NOTCH3: variants seen among roughly 807,000 people sequenced by gnomAD.
The protein encoded by NOTCH3 is neurogenic locus notch homolog protein 3.
NOTCH3 carries 86 observed loss-of-function variants against 213.3 expected under a neutral mutation model. That is an observed-to-expected ratio of 0.40 (90% CI 0.34 to 0.48). NOTCH3 has a LOEUF of 0.48. Ranked by LOEUF, NOTCH3 falls within the 20% of genes least tolerant of loss-of-function variation. The pLI, the probability that NOTCH3 is intolerant of heterozygous loss-of-function variation, is 0.57. For synonymous variants in NOTCH3, 1,354 were observed against 1,355.9 expected, an observed-to-expected ratio of 1.00 and a Z score of 0.03; for missense variants, 2,783 against 3,272.6, an observed-to-expected ratio of 0.85 and a Z score of 3.65.
In NOTCH3 at chr19:15,165,444, C is replaced by T. The variant is rs776548752; in HGVS notation, c.5739G>A (p.Ala1913=). 3.7e-5 allele frequency: 59 copies of T among 1,612,458 alleles called. No individual in the cohort carries two copies. The highest frequency in any genetic ancestry group is 2.2e-4 in the East Asian group (10 of 44,890). Residue 1913 remains alanine, a synonymous_variant, in exon 31 of 33, where the codon GCG becomes GCA. Transcript: ENST00000263388. This position sits in a 1 kb window ranked among gnomAD's most constrained non-coding sequence, Gnocchi z 4.7. The stretch of plus-strand genomic sequence containing the variant: ...CCATGCCCTCTACTGCCAGGCGGGC[C>T]GCCAGGATCAGTGCCGTTGAGCCAT... ...MADGSTALIL[A]ARLAVEGMVE... is the part of the protein sequence containing the mutation.
chr19:15,166,001 G>A lies in NOTCH3; in HGVS notation c.5453C>T (p.Ala1818Val), dbSNP rs2145392485. ...GCAGATCAGGTCGGAGATGATGCTA[G>A]CTGATGTGTCATCTGCCTCATCCTC... ...TEEDEADDTSASIISDLICQG... is the reference protein window; with the variant it reads ...TEEDEADDTSVSIISDLICQG... Residue 1818 changes from alanine (A) to valine (V), a missense_variant, in exon 30 of 33, where the codon GCT becomes GTT. Around this residue, in one of 6 missense-constraint regions of NOTCH3, gnomAD observed 636 missense variants for 801.8 expected, o/e 0.79. Transcript: ENST00000263388. 1 of 1,614,132 alleles carries A rather than the reference G, an allele frequency of 6.2e-7. No homozygotes were observed. Among genetic ancestry groups the A allele is most frequent in the Non-Finnish European group, 8.5e-7 (1 of 1,179,960 alleles).
chr19:15,179,351 G>A lies in NOTCH3; in HGVS notation c.3460+13C>T. On this transcript the variant is annotated intron_variant, in intron 21 of 32. Coordinates refer to ENST00000263388, the MANE Select transcript of NOTCH3 (RefSeq NM_000435.3). ...CCTCTCATCCTGTCCCCCCAACCCT[G>A]GCCCTGGCATACCCAGCGTTCCTGG... 1 of 1,611,266 alleles carries A rather than the reference G, an allele frequency of 6.2e-7. No individual in the cohort carries two copies. Among genetic ancestry groups the A allele is most frequent in the Non-Finnish European group, 8.5e-7 (1 of 1,178,148 alleles).
At chr19:15,199,579 G>T (rs757640813) in intron 1 of NOTCH3, among the ~76,000 whole-genome samples, 4 of 152,180 alleles carry the variant, frequency 2.6e-5, no homozygotes, top group Non-Finnish European at 4.4e-5. Flanking sequence ...CTGTGTGCGT[G>T]CAGCTGGGTG....
intron 2 of NOTCH3, 56 bp downstream of exon 2, chr19:15,197,444 C>T: frequency 1.5e-6 from 1 of 662,106 alleles, no homozygotes; most frequent in Non-Finnish European, 2.8e-6. Context: ...ACAAATCGCC[C>T]CTCCCCCCCG....
In NOTCH3 at chr19:15,179,154, A is replaced by G. The variant is rs746839526; in HGVS notation, c.3589T>C (p.Tyr1197His). ...TCTGCCTCGCAGCGCAAACCAGTGT[A>G]TCCTGGGGGACAGGTGCAGCGGAAA... ...GGFRCTCPPG[Y>H]TGLRCEADIN... The change falls in exon 22 of 33, where the codon TAC (tyrosine) becomes CAC (histidine). Residue 1197 changes from tyrosine (Y) to histidine (H), a missense_variant. By Grantham distance (83) the Tyr-to-His change is moderately conservative. This residue lies in a region of NOTCH3 where 861 missense variants were observed against 909.1 expected (regional missense o/e 0.95). Transcript: ENST00000263388. 2 of 1,614,172 alleles carry G rather than the reference A, an allele frequency of 1.2e-6. No homozygotes were observed. The highest frequency in any genetic ancestry group is 1.7e-6 in the Non-Finnish European group (2 of 1,180,010).
At chr19:15,174,456 C>T in intron 24 of NOTCH3, 56 bp from the exon 25 acceptor site, 2 of 1,330,278 alleles carry the variant, frequency 1.5e-6, no homozygotes, top group Non-Finnish European at 2.1e-6. Context: ...AGGAGACAAT[C>T]CCCTTCCATG....
intron 1 of NOTCH3, among the ~76,000 whole-genome samples, chr19:15,200,211 C>T (rs1424905498): frequency 9.7e-6 from 1 of 102,620 alleles, no homozygotes; most frequent in African/African-American, 3.7e-5. Flanking sequence ...AGGCGGGCTG[C>T]GGGCGGGGGA....
chr19:15,162,282 A>C, intron 32 of NOTCH3, 183 bp downstream of exon 32: 1 of 606,592 alleles, frequency 1.6e-6, no homozygotes, highest in South Asian at 1.9e-5. Flanking sequence ...ACACCCAGCC[A>C]TTAGGCACAA....
At chr19:15,188,175 C>A in intron 9 of NOTCH3, 60 bp downstream of exon 9, 1 of 1,304,864 alleles carries the variant, frequency 7.7e-7, no homozygotes, top group Non-Finnish European at 1.1e-6. Context: ...GGTTCCCACC[C>A]TGGAGTTTTT....
At position 15,177,815 on chromosome 19, in the gene NOTCH3, G is replaced by T; in HGVS notation, c.4113C>A (p.Arg1371=). 8.0e-7 allele frequency: 1 copy of T among 1,256,322 alleles called. No individual in the cohort carries two copies. The highest frequency in any genetic ancestry group is 9.9e-7 in the Non-Finnish European group (1 of 1,005,982). 77.8% of individuals were successfully genotyped at this position (1,256,322 alleles called of 1,614,324 possible). ...CACAQGWTGP[R]CEAPAAAPEV... is the part of the protein sequence containing the mutation. ...CGGGTGCCGCGGCGGGCGCCTCGCAGCGCGGCCCGGTCCAGCCCTGCGCGC... is the reference window on the plus strand; with the variant it reads ...CGGGTGCCGCGGCGGGCGCCTCGCATCGCGGCCCGGTCCAGCCCTGCGCGC... The change falls in exon 24 of 33, where the codon CGC becomes CGA. Residue 1371 remains arginine, a synonymous_variant. Transcript: ENST00000263388.
intron 28 of NOTCH3, among the ~76,000 whole-genome samples, chr19:15,168,819 G>A (rs1279369533): frequency 6.6e-6 from 1 of 151,712 alleles, no homozygotes; most frequent in East Asian, 1.9e-4. Flanking sequence ...GGGCAACAGA[G>A]TGAGACCTGG....
intron 20 of NOTCH3, among the ~76,000 whole-genome samples, chr19:15,179,839 C>T (rs566870109): frequency 2.0e-4 from 30 of 152,028 alleles, no homozygotes; most frequent in South Asian, 1.5e-3. Context: ...GCTGAGATCG[C>T]GCCACTGCAC....
Position 15,189,283 on chromosome 19 carries a change from C to T in NOTCH3, c.1182G>A (p.Glu394=). The T allele has an allele frequency of 5.0e-6, 8 of 1,614,098 alleles. No homozygotes were observed. The highest frequency in any genetic ancestry group is 6.8e-6 in the Non-Finnish European group (8 of 1,180,034). ...TGGAGCTCCCCTCACCGATAGAGCA[C>T]TCGTCCACATCCTGGTCACATGCCC... ...TGGACDQDVD[E]CSIGANPCEH... is the part of the protein sequence containing the mutation. The change falls in exon 7 of 33, where the codon GAG becomes GAA. Residue 394 remains glutamate (E), a synonymous_variant. Transcript: ENST00000263388.
rs1227720509 is a variant in NOTCH3 at position 15,197,064 on chromosome 19, C to T, written c.197+436G>A. 5.9e-5 allele frequency among the ~76,000 whole-genome samples: 9 copies of T among 152,108 alleles called. No homozygotes were observed. In the East Asian group the frequency reaches 1.5e-3, roughly 26 times the overall value. On this transcript the variant is annotated intron_variant, in intron 2 of 32. Transcript: ENST00000263388. The stretch of plus-strand genomic sequence containing the variant: ...TGGCAGTGTGGGACTGTATTATAGG[C>T]CTCCTATGTCCCCCTCCACTAAATG...
At chr19:15,199,754 C>T (rs1267409355) in intron 1 of NOTCH3, among the ~76,000 whole-genome samples, 1 of 152,156 alleles carries the variant, frequency 6.6e-6, no homozygotes, top group Non-Finnish European at 1.5e-5. Flanking sequence ...GGTCCTGCCC[C>T]GTCCGGGCCC....
In NOTCH3 at chr19:15,160,411, G is replaced by C. The variant is rs943176081; in HGVS notation, c.*251C>G. ...AAAGGAATGAGGGAAGAGAGAAGTG[G>C]GGAAGAAGGAGGTCCCAGACTCTTC... On this transcript the variant is annotated 3_prime_UTR_variant, in exon 33 of 33. Transcript: ENST00000263388. 2 of 542,818 alleles carry C rather than the reference G, an allele frequency of 3.7e-6. No homozygotes were observed. The highest frequency in any genetic ancestry group is 3.3e-6 in the Non-Finnish European group (1 of 303,928). The allele number at this position is 542,818 out of a possible 1,614,324, so 33.6% of individuals were successfully genotyped here.
At chr19:15,179,731 A>G (rs2046823492) in intron 20 of NOTCH3, 3 of 592,212 alleles carry the variant, frequency 5.1e-6, no homozygotes, top group Non-Finnish European at 9.1e-6. Context: ...AAAATACAAA[A>G]ATTAGCTGGG....
At chr19:15,164,996 C>G (rs1225428893) in intron 31 of NOTCH3, among the ~76,000 whole-genome samples, 1 of 152,156 alleles carries the variant, frequency 6.6e-6, no homozygotes, top group African/African-American at 2.4e-5. Context: ...AGTCTGGTCT[C>G]AAACTCCTGG....
intron 28 of NOTCH3, 75 bp from the exon 29 acceptor site, chr19:15,167,486 G>C (rs2046695876): frequency 7.1e-7 from 1 of 1,408,100 alleles, no homozygotes; most frequent in Non-Finnish European, 9.8e-7. Flanking sequence ...GGATGGGGCT[G>C]GGCATTCCTA....
Sources: allele counts gnomAD v4.1 joint callset (sites outside exome capture counted in the v4.1 genomes callset), GRCh38; gene constraint gnomAD v4.1.1; regional missense constraint gnomAD v4.1.1; non-coding constraint Gnocchi (gnomAD v3.1); transcripts MANE v1.5; gene names NCBI Gene and HGNC (gene_info 2026-07-23, HGNC 2026-07-21).